CCSER1: variants seen among roughly 807,000 people sequenced by gnomAD.
The protein encoded by CCSER1 is serine-rich coiled-coil domain-containing protein 1.
Under a neutral mutation model 82.0 loss-of-function variants are expected in CCSER1, and 41 were observed. The observed-to-expected ratio is 0.50, with a 90% CI of 0.39 to 0.65. The LOEUF is 0.65. Ranked by LOEUF, CCSER1 falls within the 30% of genes least tolerant of loss-of-function variation. The pLI is 0.00. For synonymous variants in CCSER1, 414 were observed against 383.9 expected (o/e 1.08, Z -0.92); for missense variants, 1,119 against 1,064.2 (o/e 1.05, Z -0.72).
intron 9 of CCSER1, among the ~76,000 whole-genome samples, chr4:91,066,309 A>C (rs1466048798): frequency 1.3e-5 from 2 of 152,228 alleles, no homozygotes; most frequent in Non-Finnish European, 2.9e-5. Context: ...AATTATCTTA[A>C]GGCTGTGAGT....
chr4:90,524,462 TTTG>T (rs1209688192), intron 5 of CCSER1, among the ~76,000 whole-genome samples: 1 of 152,140 alleles, frequency 6.6e-6, no homozygotes, highest in African/African-American at 2.4e-5. Flanking sequence ...GATTGTTTTT[TTTG>T]TTGTTGTTGT....
At chr4:90,870,815 CTTTTT>C (rs35869800) in intron 8 of CCSER1, among the ~76,000 whole-genome samples, 2 of 109,554 alleles carry the variant, frequency 1.8e-5, no homozygotes, top group Non-Finnish European at 3.8e-5. Flanking sequence ...AGGTCCTTGG[CTTTTT>C]TTTTTTTTTT....
At position 91,598,699 on chromosome 4, in the gene CCSER1, C is replaced by T. The variant is rs778878244; in HGVS notation, c.2345C>T (p.Thr782Ile). ...CAGACAAGCCCCTACAAAAACAAGACCTGTCAACTCCCAAGTCTCTGTTTA... is the reference window on the plus strand; with the variant it reads ...CAGACAAGCCCCTACAAAAACAAGATCTGTCAACTCCCAAGTCTCTGTTTA... ...ADQTSPYKNKTCQLPSLCLSN... is the reference protein window; with the variant it reads ...ADQTSPYKNKICQLPSLCLSN... The change falls in exon 11 of 11, where the codon ACC (threonine) becomes ATC (isoleucine). Residue 782 changes from threonine (T) to isoleucine (I), a missense_variant. Physicochemically the swap from Thr to Ile is moderately conservative, Grantham distance 89. Coordinates refer to ENST00000509176, the MANE Select transcript of CCSER1 (RefSeq NM_001145065.2). The T allele has an allele frequency of 3.2e-6, 5 of 1,551,412 alleles. No individual in the cohort carries two copies. Among genetic ancestry groups the T allele is most frequent in the Non-Finnish European group, 4.4e-6 (5 of 1,146,918 alleles).
At chr4:91,384,190 T>G (rs115799114) in intron 10 of CCSER1, among the ~76,000 whole-genome samples, 2,989 of 152,200 alleles carry the variant, frequency 0.02, 82 homozygotes, top group African/African-American at 0.067. Flanking sequence ...TGAATGATAT[T>G]CAAGTGGATC....
At chr4:91,140,791 T>C (rs1193382972) in intron 10 of CCSER1, among the ~76,000 whole-genome samples, 1 of 152,174 alleles carries the variant, frequency 6.6e-6, no homozygotes, top group East Asian at 1.9e-4. Context: ...TTTCTTGTCT[T>C]TTCTTTTATT....
chr4:90,262,356 T>G (rs1439626521), intron 1 of CCSER1, among the ~76,000 whole-genome samples: 2 of 152,238 alleles, frequency 1.3e-5, no homozygotes, highest in Non-Finnish European at 2.9e-5. Flanking sequence ...GTTCGTTTGT[T>G]ACAGAGTCTT....
intron 10 of CCSER1, among the ~76,000 whole-genome samples, chr4:91,518,868 A>C (rs1221603371): frequency 6.6e-6 from 1 of 152,160 alleles, no homozygotes; most frequent in African/African-American, 2.4e-5. Context: ...TGTGGTCCTG[A>C]ACCAGGGGCC....
Position 90,309,240 on chromosome 4 carries a change from T to C in CCSER1, c.956T>C (p.Met319Thr), listed in dbSNP as rs766408189. ...ACGGGAACTGTTCCCTGTGCAATTA[T>C]GTCTCCTGGGAAATATAGGTTAGAG... ...ELTGTVPCAI[M>T]SPGKYRLEGQ... The change falls in exon 2 of 11, where the codon ATG (methionine) becomes ACG (threonine). Residue 319 changes from methionine (M) to threonine (T), a missense_variant. Met to Thr is a moderately conservative substitution (Grantham distance 81). Coordinates refer to ENST00000509176, the MANE Select transcript of CCSER1 (RefSeq NM_001145065.2). 6.2e-7 allele frequency: 1 copy of C among 1,613,918 alleles called. No individual in the cohort carries two copies. Among genetic ancestry groups the C allele is most frequent in the Non-Finnish European group, 8.5e-7 (1 of 1,179,838 alleles).
At chr4:91,378,229 G>A (rs1307865165) in intron 10 of CCSER1, among the ~76,000 whole-genome samples, 1 of 152,174 alleles carries the variant, frequency 6.6e-6, no homozygotes, top group Admixed American at 6.5e-5. Flanking sequence ...TCTTGGCCAT[G>A]CAGGCTCTTT....
chr4:91,283,218 AT>A (rs1356528766), intron 10 of CCSER1, among the ~76,000 whole-genome samples: 2 of 152,132 alleles, frequency 1.3e-5, no homozygotes, highest in African/African-American at 4.8e-5. Flanking sequence ...TGTAGAAACT[AT>A]TTAGATGTGT....
chr4:91,433,127 T>C (rs1056455734), intron 10 of CCSER1, among the ~76,000 whole-genome samples: 6 of 152,224 alleles, frequency 3.9e-5, no homozygotes, highest in African/African-American at 1.4e-4. Context: ...TTTTTAGTTA[T>C]ATGAATGAAA....
intron 6 of CCSER1, among the ~76,000 whole-genome samples, chr4:90,701,265 G>C (rs1048000995): frequency 2.6e-5 from 4 of 152,030 alleles, no homozygotes; most frequent in Non-Finnish European, 4.4e-5. Context: ...TCTTGTTTTT[G>C]TCAGGTTTGT....
At chr4:90,884,934 T>TA (rs902635091) in intron 8 of CCSER1, among the ~76,000 whole-genome samples, 21 of 152,088 alleles carry the variant, frequency 1.4e-4, no homozygotes, top group African/African-American at 4.8e-4. Flanking sequence ...TGTTGTGAAA[T>TA]AAAAAATGAG....
chr4:90,407,087 A>G lies in CCSER1; in HGVS notation c.1603+6958A>G, dbSNP rs141847879. On this transcript the variant is annotated intron_variant, in intron 4 of 10. Coordinates refer to ENST00000509176, the MANE Select transcript of CCSER1 (RefSeq NM_001145065.2). ...TGAATCAAAAAGCTTTTTCTTCGAA[A>G]AAAATAAATAAAATTGATAGACCAT... Among the ~76,000 whole-genome samples the G allele has an allele frequency of 9.5e-4, 145 of 152,322 alleles. 1 individual carries two copies. Among genetic ancestry groups the G allele is most frequent in the African/African-American group, 3.2e-3 (134 of 41,584 alleles).
intron 10 of CCSER1, among the ~76,000 whole-genome samples, chr4:91,447,243 T>C (rs1922232): frequency 0.62 from 94,272 of 152,014 alleles, 30,201 homozygotes; most frequent in East Asian, 0.88. Flanking sequence ...CTTCGTGTCA[T>C]AGAACATAAT....
At chr4:90,599,577 C>T (rs1208820134) in intron 5 of CCSER1, among the ~76,000 whole-genome samples, 1 of 152,122 alleles carries the variant, frequency 6.6e-6, no homozygotes, top group Non-Finnish European at 1.5e-5. Context: ...TCTTACTTGC[C>T]TTTCTCTATC....
At chr4:91,369,290 T>C (rs1041616083) in intron 10 of CCSER1, among the ~76,000 whole-genome samples, 9 of 152,216 alleles carry the variant, frequency 5.9e-5, no homozygotes, top group African/African-American at 2.2e-4. Flanking sequence ...CAAGGCAACA[T>C]GTAGAACAGA....
At chr4:91,577,964 C>T (rs1763529300) in intron 10 of CCSER1, among the ~76,000 whole-genome samples, 1 of 151,870 alleles carries the variant, frequency 6.6e-6, no homozygotes, top group Non-Finnish European at 1.5e-5. Context: ...GTTTAAAATG[C>T]CACTTACACT....
chr4:91,056,842 T>C (rs1486649749), intron 9 of CCSER1, among the ~76,000 whole-genome samples: 1 of 152,200 alleles, frequency 6.6e-6, no homozygotes, highest in East Asian at 1.9e-4. Context: ...GTGTCTTTCT[T>C]TGGGCATGTG....
Sources: allele counts gnomAD v4.1 joint callset (sites outside exome capture counted in the v4.1 genomes callset), GRCh38; gene constraint gnomAD v4.1.1; transcripts MANE v1.5; gene names NCBI Gene and HGNC (gene_info 2026-07-23, HGNC 2026-07-21).